The following MAP2K6 variants were observed in gnomAD, a reference collection of about 807,000 sequenced individuals.
MAP2K6 encodes the protein dual specificity mitogen-activated protein kinase kinase 6.
Under a neutral mutation model 53.7 loss-of-function variants are expected in MAP2K6, and 16 were observed. The observed-to-expected ratio is 0.30, with a 90% CI of 0.20 to 0.45. MAP2K6 has a LOEUF of 0.45. Among genes scored for constraint, MAP2K6 ranks in the 20% least tolerant of loss-of-function variants. The probability of loss-of-function intolerance (pLI) is 1.00; values close to 1 mark genes in which losing one functional copy is unlikely to be tolerated. For missense variants in MAP2K6, 204 were observed against 411.9 expected, an observed-to-expected ratio of 0.50 and a Z score of 4.37; for synonymous variants, 132 against 143.1, an observed-to-expected ratio of 0.92 and a Z score of 0.55.
chr17:69,471,643 G>A (rs1460181196), intron 1 of MAP2K6, among the ~76,000 whole-genome samples: 2 of 152,026 alleles, frequency 1.3e-5, no homozygotes, highest in African/African-American at 4.8e-5. Flanking sequence ...TAACAAACTA[G>A]CACGTGTACC....
At chr17:69,473,874 A>G (rs1303038181) in intron 1 of MAP2K6, among the ~76,000 whole-genome samples, 1 of 152,200 alleles carries the variant, frequency 6.6e-6, no homozygotes, top group Non-Finnish European at 1.5e-5. Flanking sequence ...GTTTCTTAGG[A>G]GAGCCTCCCT....
At chr17:69,465,233 C>G (rs1055480237) in intron 1 of MAP2K6, among the ~76,000 whole-genome samples, 1 of 150,812 alleles carries the variant, frequency 6.6e-6, no homozygotes, top group Non-Finnish European at 1.5e-5. Context: ...CTTGTCAGTA[C>G]CCTAGTTGGG....
chr17:69,521,567 G>T (rs1910469825), intron 7 of MAP2K6: 1 of 153,104 alleles, frequency 6.5e-6, no homozygotes, highest in Non-Finnish European at 1.5e-5. Flanking sequence ...CAGGAGGCAG[G>T]ATATAATGAT....
chr17:69,528,109 C>CAAAAAAAAAAAAAAAAAAAAAAAAAAAA (rs71357724), intron 10 of MAP2K6, among the ~76,000 whole-genome samples: 1 of 75,724 alleles, frequency 1.3e-5, no homozygotes, highest in Non-Finnish European at 2.4e-5. Context: ...AACTTCGTCT[C>CAAAAAAAAAAAAAAAAAAAAAAAAAAAA]AAAAAAAAAA....
At chr17:69,517,124 G>T (rs905847445) in intron 3 of MAP2K6, among the ~76,000 whole-genome samples, 4 of 151,466 alleles carry the variant, frequency 2.6e-5, no homozygotes, top group Non-Finnish European at 5.9e-5. Flanking sequence ...AGAGTAGATG[G>T]TTCTCTTGGG....
intron 1 of MAP2K6, among the ~76,000 whole-genome samples, chr17:69,425,291 C>T (rs566315868): frequency 2.0e-5 from 3 of 152,040 alleles, no homozygotes; most frequent in African/African-American, 7.2e-5. Context: ...AATGAATTTC[C>T]TTTTAAAGCA....
At chr17:69,523,281 G>C (rs988754755) in intron 7 of MAP2K6, among the ~76,000 whole-genome samples, 2 of 152,194 alleles carry the variant, frequency 1.3e-5, no homozygotes, top group Non-Finnish European at 2.9e-5. Context: ...ACAGTTCTTT[G>C]TATGGAGAAA....
intron 2 of MAP2K6, among the ~76,000 whole-genome samples, chr17:69,506,455 G>C (rs1415817418): frequency 6.6e-6 from 1 of 151,098 alleles, no homozygotes; most frequent in Non-Finnish European, 1.5e-5. Flanking sequence ...TGTGTGGTGG[G>C]AACGGTACTT....
chr17:69,477,078 C>T (rs995417077), intron 1 of MAP2K6: 2 of 152,258 alleles, frequency 1.3e-5, no homozygotes, highest in South Asian at 2.1e-4. Context: ...TGAGTCCTCT[C>T]CTGCTTTGGA....
intron 1 of MAP2K6, among the ~76,000 whole-genome samples, chr17:69,449,408 G>GT (rs1222364150): frequency 2.6e-5 from 4 of 151,638 alleles, no homozygotes; most frequent in South Asian, 4.1e-4. Flanking sequence ...TTTTGCAGAA[G>GT]TTTTTTTGTG....
At chr17:69,503,265 T>A (rs886163525) in intron 1 of MAP2K6, among the ~76,000 whole-genome samples, 1 of 152,234 alleles carries the variant, frequency 6.6e-6, no homozygotes, top group African/African-American at 2.4e-5. Context: ...TCATCGAAAG[T>A]AACATTCCCT....
Position 69,548,165 on chromosome 17 carries a change from A to G in MAP2K6, c.*6412A>G, listed in dbSNP as rs1598328613. 6.6e-6 allele frequency: 1 copy of G among 152,222 alleles called. No homozygotes were observed. Among genetic ancestry groups the G allele is most frequent in the East Asian group, 1.9e-4 (1 of 5,198 alleles). The allele number at this position is 152,222 out of a possible 1,614,324, so 9.4% of individuals were successfully genotyped here. ...TACTCATTTTGTGCTGTCCCACAAAAGTGAGAGGAGTACTTCTCTTTTTTT... is the reference window on the plus strand; with the variant it reads ...TACTCATTTTGTGCTGTCCCACAAAGGTGAGAGGAGTACTTCTCTTTTTTT... On this transcript the variant is annotated 3_prime_UTR_variant, in exon 12 of 12. Coordinates refer to ENST00000590474, the MANE Select transcript of MAP2K6 (RefSeq NM_002758.4).
intron 10 of MAP2K6, among the ~76,000 whole-genome samples, chr17:69,528,890 ATG>A: frequency 7.2e-6 from 1 of 139,700 alleles, no homozygotes. Context: ...AAAAAAAAAG[ATG>A]AGGCATCTTG....
chr17:69,551,625 A>T lies in MAP2K6; in HGVS notation c.*9872A>T, dbSNP rs1384896258. On this transcript the variant is annotated 3_prime_UTR_variant, in exon 12 of 12. Transcript: ENST00000590474. ...CCACTTGAGGAGGTTTGATTAAGAA[A>T]ATTGTGTTTATCTCCTGTATTACCT... 1 of 152,210 alleles carries T rather than the reference A, an allele frequency of 6.6e-6. No homozygotes were observed. Among genetic ancestry groups the T allele is most frequent in the Non-Finnish European group, 1.5e-5 (1 of 68,036 alleles). 9.4% of individuals were successfully genotyped at this position (152,210 alleles called of 1,614,324 possible).
chr17:69,536,756 G>T (rs984960568), intron 11 of MAP2K6, among the ~76,000 whole-genome samples: 13 of 152,160 alleles, frequency 8.5e-5, no homozygotes, highest in Non-Finnish European at 1.8e-4. Flanking sequence ...AGCATTGTTT[G>T]TTGTATTAAA....
At chr17:69,457,864 T>A (rs1020979571) in intron 1 of MAP2K6, among the ~76,000 whole-genome samples, 1 of 152,168 alleles carries the variant, frequency 6.6e-6, no homozygotes, top group African/African-American at 2.4e-5. Flanking sequence ...CCAGAGCTGC[T>A]GCATCAGGAT....
chr17:69,470,447 G>C lies in MAP2K6; in HGVS notation c.17-35333G>C, dbSNP rs140563669. ...ATGCTTCATCCGTCAGGGAAGGGAG[G>C]AAACCCTGCAAGGAAGCACTGGAAT... On this transcript the variant is annotated intron_variant, in intron 1 of 11. Transcript: ENST00000590474. 3.0e-3 allele frequency among the ~76,000 whole-genome samples: 462 copies of C among 152,278 alleles called. 5 individuals carry two copies. The highest frequency in any genetic ancestry group is 0.011 in the African/African-American group (446 of 41,552).
At chr17:69,474,401 G>A (rs1023732464) in intron 1 of MAP2K6, among the ~76,000 whole-genome samples, 4 of 152,178 alleles carry the variant, frequency 2.6e-5, no homozygotes, top group Non-Finnish European at 5.9e-5. Flanking sequence ...TCATTTGGAT[G>A]ATTGTTTTAT....
intron 1 of MAP2K6, among the ~76,000 whole-genome samples, chr17:69,460,750 G>A (rs1907599001): frequency 6.6e-6 from 1 of 152,100 alleles, no homozygotes. Context: ...ACAGGGGTGT[G>A]CCACCACCCT....
Sources: allele counts gnomAD v4.1 joint callset (sites outside exome capture counted in the v4.1 genomes callset), GRCh38; gene constraint gnomAD v4.1.1; transcripts MANE v1.5; gene names NCBI Gene and HGNC (gene_info 2026-07-23, HGNC 2026-07-21).